The following FMN1 variants were observed in gnomAD, a reference collection of about 807,000 sequenced individuals.
The protein encoded by FMN1 is formin 1.
FMN1 carries 110 observed loss-of-function variants against 132.4 expected under a neutral mutation model. The ratio of observed to expected loss-of-function variants is 0.83; its 90% CI spans 0.71 to 0.97. The LOEUF is 0.97. Among genes scored for constraint, FMN1 ranks in the 50% least tolerant of loss-of-function variants. The pLI is 0.00. For missense variants in FMN1, 1,792 were observed against 1,705.3 expected (o/e 1.05, Z -0.90); for synonymous variants, 722 against 651.7 (o/e 1.11, Z -1.64).
At chr15:33,132,014 C>G (rs1223674604) in intron 4 of FMN1, among the ~76,000 whole-genome samples, 1 of 152,086 alleles carries the variant, frequency 6.6e-6, no homozygotes, top group Admixed American at 6.6e-5. Flanking sequence ...CCCGAAATGA[C>G]CTTTGCCTTC....
chr15:33,113,727 G>C (rs1307755077), intron 4 of FMN1, among the ~76,000 whole-genome samples: 2 of 152,082 alleles, frequency 1.3e-5, no homozygotes, highest in Non-Finnish European at 2.9e-5. Context: ...CTGTGCATTG[G>C]ATTCCTGGTG....
At chr15:32,942,439 G>A (rs1007649915) in intron 9 of FMN1, among the ~76,000 whole-genome samples, 14 of 152,102 alleles carry the variant, frequency 9.2e-5, no homozygotes, top group Admixed American at 8.5e-4. Context: ...GTATATCTTC[G>A]GCTTTCTGCC....
intron 17 of FMN1, among the ~76,000 whole-genome samples, chr15:32,807,660 A>C (rs1374487440): frequency 6.6e-6 from 1 of 152,208 alleles, no homozygotes; most frequent in African/African-American, 2.4e-5. Context: ...TACCCTATTC[A>C]AACTGAATTG....
rs201729074 is a variant in FMN1 at position 32,963,512 on chromosome 15, GA to G, written c.3138+594del. Among the ~76,000 whole-genome samples, 848 of 141,676 alleles carry G rather than the reference GA, an allele frequency of 6.0e-3. 34 individuals carry two copies. The East Asian group carries it at 0.11, about 18-fold the overall frequency. 92.9% of individuals were successfully genotyped at this position (141,676 alleles called of 152,430 possible). On this transcript the variant is annotated intron_variant, in intron 9 of 20. Coordinates refer to ENST00000616417, the MANE Select transcript of FMN1 (RefSeq NM_001277313.2). ...AAGTATAATAAATAAATAAGAAGAAGAAAAAAAAAAGAAGGTGGTTAGTCCA... is the reference window on the plus strand; with the variant it reads ...AAGTATAATAAATAAATAAGAAGAAGAAAAAAAAAGAAGGTGGTTAGTCCA...
intron 16 of FMN1, among the ~76,000 whole-genome samples, chr15:32,872,816 C>A (rs559739169): frequency 6.6e-6 from 1 of 152,182 alleles, no homozygotes; most frequent in Non-Finnish European, 1.5e-5. Flanking sequence ...CCCATGTTCC[C>A]GTTTCAGCCC....
intron 4 of FMN1, among the ~76,000 whole-genome samples, chr15:33,124,618 C>T (rs1962874804): frequency 6.6e-6 from 1 of 152,128 alleles, no homozygotes; most frequent in African/African-American, 2.4e-5. Flanking sequence ...CATTAATCTT[C>T]TAGAATGTAT....
In FMN1 at chr15:32,964,312, A is replaced by G. The variant is rs1187575640; in HGVS notation, c.2988-55T>C. 11 of 1,210,382 alleles carry G rather than the reference A, an allele frequency of 9.1e-6. No homozygotes were observed. In the East Asian group the frequency reaches 1.9e-4, roughly 21 times the overall value. The allele number at this position is 1,210,382 out of a possible 1,614,324, so 75.0% of individuals were successfully genotyped here. ...AAGAACCAAAACAGGAAGGAATGTA[A>G]TACAATGAAATCTTTCTCTAATCCA... On this transcript the variant is annotated intron_variant, in intron 8 of 20. Transcript: ENST00000616417.
chr15:32,920,738 TG>T (rs1177892679), intron 10 of FMN1, among the ~76,000 whole-genome samples: 2 of 152,210 alleles, frequency 1.3e-5, no homozygotes, highest in Non-Finnish European at 2.9e-5. Flanking sequence ...ACATTCCTGC[TG>T]AAGCCAGAAA....
intron 11 of FMN1, among the ~76,000 whole-genome samples, chr15:32,909,373 G>A (rs1479467846): frequency 6.6e-6 from 1 of 152,170 alleles, no homozygotes; most frequent in African/African-American, 2.4e-5. Context: ...AGCTCCCAAT[G>A]GCCTGGTATT....
chr15:32,973,466 C>A (rs1371989030), intron 7 of FMN1, among the ~76,000 whole-genome samples: 1 of 152,024 alleles, frequency 6.6e-6, no homozygotes, highest in Non-Finnish European at 1.5e-5. Context: ...GGAGAATGAC[C>A]AAATAAGAAG....
intron 18 of FMN1, among the ~76,000 whole-genome samples, chr15:32,803,748 A>C (rs2057562580): frequency 6.6e-6 from 1 of 152,218 alleles, no homozygotes; most frequent in African/African-American, 2.4e-5. Flanking sequence ...AGGAAGGATC[A>C]AACTGTCCCT....
chr15:33,187,792 C>T (rs117655672), intron 2 of FMN1, among the ~76,000 whole-genome samples: 2,068 of 152,196 alleles, frequency 0.014, 65 homozygotes, highest in East Asian at 0.12. Context: ...GTTAAGTTTT[C>T]CACTTTTCCA....
At chr15:33,094,514 A>C (rs1423500441) in intron 4 of FMN1, among the ~76,000 whole-genome samples, 1 of 152,182 alleles carries the variant, frequency 6.6e-6, no homozygotes, top group African/African-American at 2.4e-5. Flanking sequence ...CATGTTCCAA[A>C]AATAGAATTC....
In FMN1 at chr15:32,955,952, C is replaced by T. The variant is rs74014358; in HGVS notation, c.3138+8155G>A. ...TTCATTCTAAGCACTGGAACCATGG[C>T]TACTAATGATTTTTTTTCTGCTAAT... On this transcript the variant is annotated intron_variant, in intron 9 of 20. Transcript: ENST00000616417. Among the ~76,000 whole-genome samples the T allele has an allele frequency of 5.7e-3, 863 of 152,272 alleles. 4 individuals carry two copies. Among genetic ancestry groups the T allele is most frequent in the African/African-American group, 0.019 (795 of 41,536 alleles).
intron 2 of FMN1, among the ~76,000 whole-genome samples, chr15:33,186,358 C>T (rs1293715358): frequency 1.3e-5 from 2 of 152,110 alleles, no homozygotes; most frequent in African/African-American, 4.8e-5. Context: ...GCTGAGTAAA[C>T]CATCCCAGGC....
At position 32,926,288 on chromosome 15, in the gene FMN1, A is replaced by G. The variant is rs754667484; in HGVS notation, c.3139-27T>C. 8 of 1,289,876 alleles carry G rather than the reference A, an allele frequency of 6.2e-6. No individual in the cohort carries two copies. In the South Asian group the frequency reaches 6.9e-5, roughly 11 times the overall value. 79.9% of individuals were successfully genotyped at this position (1,289,876 alleles called of 1,614,324 possible). A position where few individuals can be genotyped will look rare whatever the true frequency, so the allele number is the denominator to read the frequency against. On this transcript the variant is annotated intron_variant, in intron 9 of 20. Coordinates refer to ENST00000616417, the MANE Select transcript of FMN1 (RefSeq NM_001277313.2). ...TAAAATTAGAAAAAAAAAAAAAAGA[A>G]TACAAGCTCAAATGACCATGCAGTC...
intron 4 of FMN1, among the ~76,000 whole-genome samples, chr15:33,126,470 A>G: frequency 6.6e-6 from 1 of 152,156 alleles, no homozygotes; most frequent in African/African-American, 2.4e-5. Flanking sequence ...CATAACGTCC[A>G]AAATTTTTTC....
chr15:33,139,392 C>G (rs1369696924), intron 4 of FMN1, among the ~76,000 whole-genome samples: 1 of 152,100 alleles, frequency 6.6e-6, no homozygotes, highest in East Asian at 1.9e-4. Context: ...GTCAGGAGAT[C>G]CAGACTATCC....
chr15:33,133,826 T>C (rs1044003856), intron 4 of FMN1, among the ~76,000 whole-genome samples: 13 of 152,234 alleles, frequency 8.5e-5, no homozygotes, highest in African/African-American at 2.4e-5. Flanking sequence ...ACCTGTGCTA[T>C]AGATGAAACA....
Sources: gnomAD v4.1 joint callset for allele counts (sites outside exome capture counted in the v4.1 genomes callset) on GRCh38, gnomAD v4.1.1 for gene constraint, MANE v1.5 for transcripts, NCBI Gene and HGNC (gene_info 2026-07-23, HGNC 2026-07-21) for gene names.